Variants in TMOD1 observed in about 807,000 individuals in gnomAD.
TMOD1 encodes the protein tropomodulin 1, also known as tropomodulin-1.
Under a neutral mutation model 40.6 loss-of-function variants are expected in TMOD1, and 17 were observed. The ratio of observed to expected loss-of-function variants is 0.42; its 90% CI spans 0.29 to 0.63. TMOD1 has a LOEUF of 0.63. Ranked by LOEUF, TMOD1 falls within the 20% of genes least tolerant of loss-of-function variation. TMOD1 has a pLI of 0.22. For synonymous variants in TMOD1, 181 were observed against 175.0 expected, an observed-to-expected ratio of 1.03 and a Z score of -0.27; for missense variants, 391 against 447.6, an observed-to-expected ratio of 0.87 and a Z score of 1.14.
intron 2 of TMOD1, among the ~76,000 whole-genome samples, chr9:97,528,219 G>T (rs1298339167): frequency 6.6e-6 from 1 of 152,190 alleles, no homozygotes; most frequent in African/African-American, 2.4e-5. Context: ...CAGAGCACCT[G>T]GGGCTCAACT....
chr9:97,530,065 T>C (rs999429535), intron 2 of TMOD1, among the ~76,000 whole-genome samples: 4 of 152,182 alleles, frequency 2.6e-5, no homozygotes, highest in African/African-American at 4.8e-5. Context: ...CTGTTAACCC[T>C]GGGAGCACCT....
chr9:97,550,813 T>C (rs1245363709), intron 3 of TMOD1, among the ~76,000 whole-genome samples: 1 of 151,986 alleles, frequency 6.6e-6, no homozygotes, highest in Non-Finnish European at 1.5e-5. Flanking sequence ...TTTCCCCTTC[T>C]GTGTATTGTC....
chr9:97,558,148 C>T (rs1320272355), intron 4 of TMOD1, among the ~76,000 whole-genome samples: 3 of 152,172 alleles, frequency 2.0e-5, no homozygotes, highest in Admixed American at 2.0e-4. Flanking sequence ...TTCGTCCTTC[C>T]TTTTTGTAAT....
At chr9:97,584,890 ATG>A (rs1268180314) in intron 8 of TMOD1, among the ~76,000 whole-genome samples, 1 of 152,058 alleles carries the variant, frequency 6.6e-6, no homozygotes, top group Non-Finnish European at 1.5e-5. Context: ...TTTTGAGCCT[ATG>A]TGTGTCTCTG....
chr9:97,577,603 C>A (rs2131278514), intron 8 of TMOD1, among the ~76,000 whole-genome samples: 1 of 152,202 alleles, frequency 6.6e-6, no homozygotes, highest in African/African-American at 2.4e-5. Context: ...GCCTGGCCAA[C>A]ATGGTAAAAC....
intron 1 of TMOD1, among the ~76,000 whole-genome samples, chr9:97,505,492 A>G (rs1410465375): frequency 6.6e-6 from 1 of 152,190 alleles, no homozygotes; most frequent in Non-Finnish European, 1.5e-5. Context: ...CAAAGGAATG[A>G]AGGAAAGCAG....
chr9:97,584,080 T>G (rs1825815160), intron 8 of TMOD1, among the ~76,000 whole-genome samples: 2 of 149,822 alleles, frequency 1.3e-5, no homozygotes, highest in South Asian at 4.2e-4. Context: ...TCTAGTTCTT[T>G]TAATTGTGAT....
At chr9:97,585,548 G>T (rs1825851342) in intron 8 of TMOD1, among the ~76,000 whole-genome samples, 1 of 149,772 alleles carries the variant, frequency 6.7e-6, no homozygotes, top group Admixed American at 6.7e-5. Context: ...CTGAATGTTG[G>T]CCTGCCTTGC....
At position 97,502,301 on chromosome 9, in the gene TMOD1, G is replaced by T. The variant is rs546080609; in HGVS notation, c.-49+498G>T. Among the ~76,000 whole-genome samples the T allele has an allele frequency of 8.5e-5, 13 of 152,288 alleles. No homozygotes were observed. Among genetic ancestry groups the T allele is most frequent in the African/African-American group, 2.9e-4 (12 of 41,580 alleles). On this transcript the variant is annotated intron_variant, in intron 1 of 9. Transcript: ENST00000259365. This position sits in a 1 kb window ranked among gnomAD's most constrained non-coding sequence, Gnocchi z 6.1. ...GGTGGGAGTGGGGGAGTAAAGGCTC[G>T]ACTGGACGTGGATCCCAGGTTCGCG...
chr9:97,511,236 GTGTT>G (rs1021187949), intron 1 of TMOD1, among the ~76,000 whole-genome samples: 2 of 152,176 alleles, frequency 1.3e-5, no homozygotes, highest in Admixed American at 6.5e-5. Flanking sequence ...TATGTTTAGT[GTGTT>G]TGTTTTTTTA....
At chr9:97,566,183 C>T (rs775258173) in intron 7 of TMOD1, among the ~76,000 whole-genome samples, 1 of 152,124 alleles carries the variant, frequency 6.6e-6, no homozygotes, top group Non-Finnish European at 1.5e-5. Flanking sequence ...CTCAGATGTG[C>T]AGTTCTCCCC....
chr9:97,514,771 A>C lies in TMOD1; in HGVS notation c.-48-9370A>C, dbSNP rs143155253. On this transcript the variant is annotated intron_variant, in intron 1 of 9. Coordinates refer to ENST00000259365, the MANE Select transcript of TMOD1 (RefSeq NM_003275.4). ...GATATTGCAGTCGCTGTGCCAGGAC[A>C]TTAGGTAATCTGAATTAGAAGTGGA... 2.7e-3 allele frequency among the ~76,000 whole-genome samples: 409 copies of C among 152,372 alleles called. 1 individual carries two copies. Among genetic ancestry groups the C allele is most frequent in the African/African-American group, 9.3e-3 (386 of 41,598 alleles).
intron 3 of TMOD1, among the ~76,000 whole-genome samples, chr9:97,551,019 T>A (rs1428132597): frequency 0.14 from 1,396 of 9,696 alleles, 9 homozygotes; most frequent in Middle Eastern, 0.33. Context: ...TATATATTTT[T>A]TTTTTTTTTT....
At chr9:97,560,521 C>T (rs2094758) in intron 4 of TMOD1, among the ~76,000 whole-genome samples, 38,345 of 151,788 alleles carry the variant, frequency 0.25, 5,097 homozygotes, top group African/African-American at 0.28. Context: ...AGGTGGCTCA[C>T]GCCTGCAATC....
At chr9:97,576,892 G>T (rs748476868) in intron 8 of TMOD1, among the ~76,000 whole-genome samples, 2 of 152,084 alleles carry the variant, frequency 1.3e-5, no homozygotes, top group Non-Finnish European at 2.9e-5. Context: ...GCCCACCTCG[G>T]CCTCCCAAAT....
chr9:97,534,864 T>A (rs151082667), intron 2 of TMOD1, among the ~76,000 whole-genome samples: 379 of 152,274 alleles, frequency 2.5e-3, no homozygotes, highest in African/African-American at 8.7e-3. Flanking sequence ...CTGCAAAGGC[T>A]GAACAGGGTG....
chr9:97,594,287 C>T lies in TMOD1; in HGVS notation c.1015+2852C>T, dbSNP rs747590683. 3.9e-4 allele frequency among the ~76,000 whole-genome samples: 60 copies of T among 152,316 alleles called. 1 individual carries two copies. Among genetic ancestry groups the T allele is most frequent in the South Asian group, 8.3e-4 (4 of 4,824 alleles). ...ATCTCTAGCTTTAAAATGAAATTTGCGCCCATCTGCTAATTTTTGTAAGAG... is the reference window on the plus strand; with the variant it reads ...ATCTCTAGCTTTAAAATGAAATTTGTGCCCATCTGCTAATTTTTGTAAGAG... On this transcript the variant is annotated intron_variant, in intron 9 of 9. Transcript: ENST00000259365.
chr9:97,518,045 G>A (rs1050793624), intron 1 of TMOD1, among the ~76,000 whole-genome samples: 5 of 152,270 alleles, frequency 3.3e-5, no homozygotes, highest in South Asian at 2.1e-4. Context: ...CCACACGTCC[G>A]CGATGGGCCC....
chr9:97,561,185 C>CAG (rs1261914815), intron 4 of TMOD1, among the ~76,000 whole-genome samples: 1 of 152,202 alleles, frequency 6.6e-6, no homozygotes, highest in Admixed American at 6.5e-5. Context: ...ACACAATAAT[C>CAG]AGAACTCAGG....
Sources: gnomAD v4.1 joint callset for allele counts (sites outside exome capture counted in the v4.1 genomes callset) on GRCh38, gnomAD v4.1.1 for gene constraint, Gnocchi (gnomAD v3.1) non-coding constraint, MANE v1.5 for transcripts, NCBI Gene and HGNC (gene_info 2026-07-23, HGNC 2026-07-21) for gene names.